PROKR1: variants seen among roughly 807,000 people sequenced by gnomAD.
PROKR1 encodes the protein prokineticin receptor 1.
A neutral mutation model predicts 22.8 loss-of-function variants in PROKR1; 21 were observed. The observed-to-expected ratio is 0.92, with a 90% CI of 0.65 to 1.32. The LOEUF is 1.32. Ranked by LOEUF, PROKR1 falls within the 40% of genes most tolerant of loss-of-function variation. The pLI is 0.00. For synonymous variants in PROKR1, 193 were observed against 207.5 expected (o/e 0.93, Z 0.60); for missense variants, 548 against 514.2 (o/e 1.07, Z -0.64).
chr2:68,655,924 A>G lies in PROKR1; in HGVS notation c.*348A>G. ...TTTCCACAAAAGAACTGGAGTAGGT[A>G]TCTAGGATTGCAGTACATGTGTTCG... On this transcript the variant is annotated 3_prime_UTR_variant, in exon 3 of 3. Coordinates refer to ENST00000303786, the MANE Select transcript of PROKR1 (RefSeq NM_138964.4). 1 of 370,244 alleles carries G rather than the reference A, an allele frequency of 2.7e-6. No individual in the cohort carries two copies. The highest frequency in any genetic ancestry group is 2.3e-5 in the South Asian group (1 of 43,978). 22.9% of individuals were successfully genotyped at this position (370,244 alleles called of 1,614,324 possible). A position where few individuals can be genotyped will look rare whatever the true frequency, so the allele number is the denominator to read the frequency against.
intron 1 of PROKR1, 24 bp from the exon 2 acceptor site, chr2:68,645,638 C>A: frequency 1.2e-6 from 1 of 850,566 alleles, no homozygotes; most frequent in Non-Finnish European, 1.8e-6. Flanking sequence ...AACATATAGC[C>A]AACTGTTTGT....
At position 68,655,331 on chromosome 2, in the gene PROKR1, G is replaced by T. The variant is rs201464916; in HGVS notation, c.937G>T (p.Val313Leu). ...FTIVRDFFPT[V>L]FVKEKHYLTA... is the part of the protein sequence containing the mutation. ...CATCGTGCGCGACTTCTTCCCCACC[G>T]TGTTTGTGAAGGAGAAGCACTACCT... The change falls in exon 3 of 3, where the codon GTG (valine) becomes TTG (leucine). Residue 313 changes from valine to leucine, a missense_variant. Physicochemically the swap from Val to Leu is conservative, Grantham distance 32. Transcript: ENST00000303786. 6.2e-7 allele frequency: 1 copy of T among 1,614,220 alleles called. No homozygotes were observed. The highest frequency in any genetic ancestry group is 1.3e-5 in the African/African-American group (1 of 75,066).
intron 2 of PROKR1, among the ~76,000 whole-genome samples, chr2:68,650,412 A>T (rs1483943081): frequency 4.6e-5 from 7 of 152,074 alleles, no homozygotes; most frequent in African/African-American, 1.2e-4. Flanking sequence ...TTAAAAATAA[A>T]TTTTTTTAGA....
chr2:68,652,305 A>G (rs1486842842), intron 2 of PROKR1, among the ~76,000 whole-genome samples: 1 of 152,242 alleles, frequency 6.6e-6, no homozygotes, highest in Non-Finnish European at 1.5e-5. Flanking sequence ...AAACTTCTTT[A>G]CAAACATAAG....
At chr2:68,651,031 C>T (rs1673304903) in intron 2 of PROKR1, among the ~76,000 whole-genome samples, 1 of 152,068 alleles carries the variant, frequency 6.6e-6, no homozygotes, top group Non-Finnish European at 1.5e-5. Context: ...TCCAGAAGGT[C>T]TCAACAGCCA....
rs201000099 is a variant in PROKR1, at chr2:68,655,108, C to T, written c.714C>T (p.Gly238=). The T allele has an allele frequency of 1.3e-5, 21 of 1,614,058 alleles. 1 individual carries two copies. The South Asian group carries it at 2.1e-4, about 16-fold the overall frequency. ...YYKSYFLFIF[G]IEFVGPVVTM... is the part of the protein sequence containing the mutation. ...AGTCCTACTTCCTCTTTATCTTTGGCATAGAATTCGTGGGCCCCGTGGTCA... is the reference window on the plus strand; with the variant it reads ...AGTCCTACTTCCTCTTTATCTTTGGTATAGAATTCGTGGGCCCCGTGGTCA... Residue 238 remains glycine, a synonymous_variant, in exon 3 of 3, where the codon GGC becomes GGT. Coordinates refer to ENST00000303786, the MANE Select transcript of PROKR1 (RefSeq NM_138964.4).
intron 2 of PROKR1, chr2:68,649,669 G>A (rs1256752327): frequency 6.6e-6 from 1 of 152,168 alleles, no homozygotes; most frequent in Non-Finnish European, 1.5e-5. Context: ...AAATGTCGAG[G>A]GTGGCTGAGG....
Position 68,655,237 on chromosome 2 carries a change from G to T in PROKR1, c.843G>T (p.Lys281Asn). The T allele has an allele frequency of 1.2e-6, 2 of 1,614,272 alleles. No homozygotes were observed. The highest frequency in any genetic ancestry group is 1.7e-6 in the Non-Finnish European group (2 of 1,180,050). ...GCAAGAGGCTGCGCTGCCGCAGGAA[G>T]ACGGTCCTGGTGCTCATGTGCATCC... is the stretch of plus-strand genomic sequence containing the variant. ...QIRKRLRCRR[K>N]TVLVLMCILT... Residue 281 changes from lysine to asparagine, a missense_variant, in exon 3 of 3, where the codon AAG (lysine) becomes AAT (asparagine). By Grantham distance (94) the Lys-to-Asn change is moderately conservative (BLOSUM62 0). Transcript: ENST00000303786.
chr2:68,646,430 C>A (rs921241904), intron 2 of PROKR1, 124 bp downstream of exon 2: 3 of 1,393,282 alleles, frequency 2.2e-6, no homozygotes, highest in African/African-American at 1.4e-5. Context: ...GATGTGGTTG[C>A]ATGGGGGACT....
At position 68,655,690 on chromosome 2, in the gene PROKR1, T is replaced by C. The variant is rs1673440025; in HGVS notation, c.*114T>C. The C allele has an allele frequency of 1.0e-6, 1 of 975,044 alleles. No individual in the cohort carries two copies. Among genetic ancestry groups the C allele is most frequent in the East Asian group, 2.6e-5 (1 of 38,548 alleles). 60.4% of individuals were successfully genotyped at this position (975,044 alleles called of 1,614,324 possible). On this transcript the variant is annotated 3_prime_UTR_variant, in exon 3 of 3. Coordinates refer to ENST00000303786, the MANE Select transcript of PROKR1 (RefSeq NM_138964.4). The stretch of plus-strand genomic sequence containing the variant: ...TGTTTGCTGCAGAGGGTAAAGTAAA[T>C]GGACCACTCTGTGAGCAATGTTTTC...
At position 68,655,602 on chromosome 2, in the gene PROKR1, C is replaced by T. The variant is rs1673438386; in HGVS notation, c.*26C>T. 4.4e-6 allele frequency: 7 copies of T among 1,602,788 alleles called. No individual in the cohort carries two copies. The highest frequency in any genetic ancestry group is 6.0e-6 in the Non-Finnish European group (7 of 1,172,242). On this transcript the variant is annotated 3_prime_UTR_variant, in exon 3 of 3. Transcript: ENST00000303786. ...CCCCCTGGACTTTGCAAAGTTTAAA[C>T]ACAAAGCAGGGTCCTGTGGACACTG...
At chr2:68,653,201 T>G (rs1311984467) in intron 2 of PROKR1, among the ~76,000 whole-genome samples, 2 of 152,210 alleles carry the variant, frequency 1.3e-5, no homozygotes, top group Non-Finnish European at 2.9e-5. Context: ...GCCAACACCC[T>G]GCAGACATTT....
Position 68,655,134 on chromosome 2 carries a change from C to T in PROKR1, c.740C>T (p.Thr247Ile). ...FGIEFVGPVV[T>I]MTLCYARISR... ...ATAGAATTCGTGGGCCCCGTGGTCA[C>T]CATGACCCTGTGCTATGCCAGGATC... The change falls in exon 3 of 3, where the codon ACC becomes ATC. Residue 247 changes from threonine to isoleucine, a missense_variant. Physicochemically the swap from Thr to Ile is moderately conservative, Grantham distance 89. Transcript: ENST00000303786. The T allele has an allele frequency of 1.2e-6, 2 of 1,614,226 alleles. No individual in the cohort carries two copies. The highest frequency in any genetic ancestry group is 1.6e-4 in the Middle Eastern group (1 of 6,062).
rs926227637 is a variant in PROKR1, at chr2:68,649,233, C to T, written c.485+2927C>T. Among the ~76,000 whole-genome samples the T allele has an allele frequency of 5.9e-5, 9 of 152,116 alleles. No individual in the cohort carries two copies. In the East Asian group the frequency reaches 9.6e-4, roughly 16 times the overall value. ...CTATATTATTGGTTCCATTGTTCTCCGAGGCATCTAACCTAGAAGAAAGTC... is the reference window on the plus strand; with the variant it reads ...CTATATTATTGGTTCCATTGTTCTCTGAGGCATCTAACCTAGAAGAAAGTC... On this transcript the variant is annotated intron_variant, in intron 2 of 2. Transcript: ENST00000303786.
Position 68,646,102 on chromosome 2 carries a change from G to C in PROKR1, c.281G>C (p.Arg94Pro), listed in dbSNP as rs371409546. 1.9e-6 allele frequency: 3 copies of C among 1,613,488 alleles called. No homozygotes were observed. The highest frequency in any genetic ancestry group is 2.7e-5 in the African/African-American group (2 of 74,914). ...GCCCTGGTCCGCTACAAGAAACTGCGCAACCTCACCAACCTGCTCATCGCC... is the reference window on the plus strand; with the variant it reads ...GCCCTGGTCCGCTACAAGAAACTGCCCAACCTCACCAACCTGCTCATCGCC... The part of the protein sequence containing the change: ...IAALVRYKKL[R>P]NLTNLLIANL... Residue 94 changes from arginine to proline, a missense_variant, in exon 2 of 3, where the codon CGC (arginine) becomes CCC (proline). Arg to Pro is a moderately radical substitution (Grantham distance 103). Transcript: ENST00000303786.
At position 68,653,480 on chromosome 2, in the gene PROKR1, A is replaced by G. The variant is rs141368345; in HGVS notation, c.486-1400A>G. Among the ~76,000 whole-genome samples, 376 of 152,308 alleles carry G rather than the reference A, an allele frequency of 2.5e-3. 3 individuals carry two copies. The highest frequency in any genetic ancestry group is 8.6e-3 in the African/African-American group (359 of 41,568). On this transcript the variant is annotated intron_variant, in intron 2 of 2. Transcript: ENST00000303786. The stretch of plus-strand genomic sequence containing the variant: ...TCTTCAAATCAAAATTCCAAGGAAG[A>G]TAACTTCATAGGGATTGGTTTCAAA...
intron 2 of PROKR1, among the ~76,000 whole-genome samples, chr2:68,653,579 A>ACAC (rs970467276): frequency 3.3e-5 from 5 of 152,140 alleles, no homozygotes; most frequent in Admixed American, 1.3e-4. Flanking sequence ...TAAGTTCTGG[A>ACAC]CACGTGAGAC....
intron 2 of PROKR1, among the ~76,000 whole-genome samples, chr2:68,653,899 A>C (rs1415509867): frequency 6.6e-6 from 1 of 152,160 alleles, no homozygotes; most frequent in Non-Finnish European, 1.5e-5. Context: ...TTAGAAAAAA[A>C]AATACATTCA....
chr2:68,651,265 G>A (rs774435744), intron 2 of PROKR1, among the ~76,000 whole-genome samples: 1 of 152,152 alleles, frequency 6.6e-6, no homozygotes, highest in Non-Finnish European at 1.5e-5. Context: ...CAGGAGGCTG[G>A]GGTGGGAGGA....
Sources: gnomAD v4.1 joint callset for allele counts (sites outside exome capture counted in the v4.1 genomes callset) on GRCh38, gnomAD v4.1.1 for gene constraint, MANE v1.5 for transcripts, NCBI Gene and HGNC (gene_info 2026-07-23, HGNC 2026-07-21) for gene names.